Variants in TBKBP1 observed in about 807,000 individuals in gnomAD.
TBKBP1 encodes TBK1 binding protein 1, also known as TANK-binding kinase 1-binding protein 1.
Under a neutral mutation model 69.9 loss-of-function variants are expected in TBKBP1, and 47 were observed. The ratio of observed to expected loss-of-function variants is 0.67; its 90% CI spans 0.53 to 0.86. TBKBP1 has a LOEUF of 0.86. TBKBP1 is among the 40% of genes least tolerant of loss of function. TBKBP1 has a pLI of 0.00. For synonymous variants in TBKBP1, 418 were observed against 390.3 expected, an observed-to-expected ratio of 1.07 and a Z score of -0.84; for missense variants, 831 against 858.6, an observed-to-expected ratio of 0.97 and a Z score of 0.40.
chr17:47,701,808 T>C (rs2031517394), intron 7 of TBKBP1, among the ~76,000 whole-genome samples: 1 of 152,212 alleles, frequency 6.6e-6, no homozygotes, highest in African/African-American at 2.4e-5. Context: ...CCCTTCCCTC[T>C]CTCTCTCAAG....
In TBKBP1 at chr17:47,708,855, G is replaced by T; in HGVS notation, c.1122G>T (p.Val374=). Residue 374 remains valine (V), a synonymous_variant, in exon 9 of 10, where the codon GTG becomes GTT. Coordinates refer to ENST00000578982, the MANE Select transcript of TBKBP1 (RefSeq NM_001394755.1). The surrounding 1 kb of genome is among the most constrained non-coding windows in gnomAD (Gnocchi z 4.4). The part of the protein sequence containing the change: ...QSPVPQRRSP[V]PPCPSPQQRR... ...CCGTCCCCCAGCGCCGCTCTCCCGTGCCCCCGTGCCCCTCGCCGCAGCAGC... is the reference window on the plus strand; with the variant it reads ...CCGTCCCCCAGCGCCGCTCTCCCGTTCCCCCGTGCCCCTCGCCGCAGCAGC... 1 of 1,414,388 alleles carries T rather than the reference G, an allele frequency of 7.1e-7. No homozygotes were observed. The highest frequency in any genetic ancestry group is 3.0e-5 in the East Asian group (1 of 32,834). The allele number at this position is 1,414,388 out of a possible 1,614,324, so 87.6% of individuals were successfully genotyped here.
At chr17:47,697,463 G>A (rs2031296738) in intron 4 of TBKBP1, among the ~76,000 whole-genome samples, 1 of 152,210 alleles carries the variant, frequency 6.6e-6, no homozygotes, top group South Asian at 2.1e-4. Flanking sequence ...CTGTCTCTGT[G>A]TGTATGCCTG....
intron 7 of TBKBP1, among the ~76,000 whole-genome samples, chr17:47,707,745 G>C (rs1323727708): frequency 2.0e-5 from 3 of 152,168 alleles, no homozygotes; most frequent in African/African-American, 7.2e-5. Flanking sequence ...CTTTGAGGTC[G>C]AGCCAGGTGC....
At chr17:47,696,429 G>T in intron 2 of TBKBP1, 92 bp downstream of exon 2, 1 of 1,428,292 alleles carries the variant, frequency 7.0e-7, no homozygotes, top group African/African-American at 1.4e-5. Context: ...CAAAAGAGGG[G>T]TCACTGTGCA....
At chr17:47,700,425 C>G (rs963208468) in intron 7 of TBKBP1, among the ~76,000 whole-genome samples, 2 of 150,160 alleles carry the variant, frequency 1.3e-5, no homozygotes, top group Non-Finnish European at 2.9e-5. Context: ...TTGCTTTCCT[C>G]TGGGGCCCAA....
intron 1 of TBKBP1, among the ~76,000 whole-genome samples, chr17:47,694,888 A>G (rs1414978605): frequency 2.1e-4 from 27 of 127,760 alleles, no homozygotes; most frequent in South Asian, 5.3e-4. Context: ...TGGGTGGCGG[A>G]GGGGGGGGGG....
chr17:47,708,960 C>T lies in TBKBP1; in HGVS notation c.1227C>T (p.Pro409=). Residue 409 remains proline (P), a synonymous_variant, in exon 9 of 10, where the codon CCC becomes CCT. Coordinates refer to ENST00000578982, the MANE Select transcript of TBKBP1 (RefSeq NM_001394755.1). The surrounding 1 kb of genome is among the most constrained non-coding windows in gnomAD (Gnocchi z 4.4). The part of the protein sequence containing the change: ...RSPVPPSCQS[P]SPQRRSPVPP... ...CGGTGCCGCCGTCGTGCCAGTCCCC[C>T]AGCCCGCAGCGCCGTTCCCCGGTGC... The T allele has an allele frequency of 8.4e-7, 1 of 1,193,524 alleles. No homozygotes were observed. Among genetic ancestry groups the T allele is most frequent in the South Asian group, 2.1e-5 (1 of 46,666 alleles). 73.9% of individuals were successfully genotyped at this position (1,193,524 alleles called of 1,614,324 possible).
chr17:47,699,503 C>A lies in TBKBP1; in HGVS notation c.810+8C>A. ...CAGGAGACCCGGGCCCAGGTAAATG[C>A]AGGGGCCTGGAACAGCTTCTGGAGG... On this transcript the variant is annotated splice_region_variant and intron_variant, in intron 6 of 9. Coordinates refer to ENST00000578982, the MANE Select transcript of TBKBP1 (RefSeq NM_001394755.1). The A allele has an allele frequency of 6.3e-7, 1 of 1,590,426 alleles. No individual in the cohort carries two copies. The highest frequency in any genetic ancestry group is 1.1e-5 in the South Asian group (1 of 88,976).
chr17:47,703,057 G>A (rs1206147592), intron 7 of TBKBP1, among the ~76,000 whole-genome samples: 2 of 152,064 alleles, frequency 1.3e-5, no homozygotes, highest in Non-Finnish European at 2.9e-5. Context: ...ATAAGGGCCC[G>A]GTAAGGGAGG....
intron 7 of TBKBP1, 127 bp downstream of exon 7, chr17:47,699,824 CTTTT>C (rs373996808): frequency 2.4e-4 from 186 of 776,558 alleles, no homozygotes; most frequent in Middle Eastern, 4.0e-4. Context: ...AGGTGGGGTT[CTTTT>C]TTTTTTTTTT....
chr17:47,695,607 G>C (rs1232958789), intron 1 of TBKBP1: 1 of 153,354 alleles, frequency 6.5e-6, no homozygotes, highest in African/African-American at 2.4e-5. Flanking sequence ...CGTGCCGACT[G>C]TGGAGGGGCC....
At chr17:47,709,623 G>T (rs1736119929) in intron 9 of TBKBP1, among the ~76,000 whole-genome samples, 171 bp downstream of exon 9, 1 of 152,256 alleles carries the variant, frequency 6.6e-6, no homozygotes, top group South Asian at 2.1e-4. Context: ...CTTTCCCGTG[G>T]TCTTCTGTCA....
chr17:47,696,474 C>A, intron 2 of TBKBP1, 137 bp downstream of exon 2: 1 of 1,165,774 alleles, frequency 8.6e-7, no homozygotes, highest in Non-Finnish European at 1.2e-6. Flanking sequence ...CCATGAGAGA[C>A]GTGGCTGTTC....
rs1019120508 is a variant in TBKBP1, at chr17:47,708,333, C to T, written c.873-61C>T. ...TGCTGGGGTAGAGCCAGTTCTTCCT[C>T]CACAGCTGGGACGGTAGACCCACTG... On this transcript the variant is annotated intron_variant, in intron 7 of 9. Transcript: ENST00000578982. The surrounding 1 kb of genome is among the most constrained non-coding windows in gnomAD (Gnocchi z 4.4). The T allele has an allele frequency of 6.4e-7, 1 of 1,573,352 alleles. No individual in the cohort carries two copies. The highest frequency in any genetic ancestry group is 8.7e-7 in the Non-Finnish European group (1 of 1,147,190).
Position 47,697,118 on chromosome 17 carries a change from G to T in TBKBP1, c.378G>T (p.Gln126His). 6.2e-7 allele frequency: 1 copy of T among 1,612,680 alleles called. No individual in the cohort carries two copies. Among genetic ancestry groups the T allele is most frequent in the Admixed American group, 1.7e-5 (1 of 59,844 alleles). The change falls in exon 4 of 10, where the codon CAG becomes CAT. Residue 126 changes from glutamine to histidine, a missense_variant. By Grantham distance (24) the Gln-to-His change is conservative (BLOSUM62 0). Transcript: ENST00000578982. ...ELQKNKEQEE[Q>H]LGEMIQAYEK... ...AGAAGAACAAGGAGCAGGAAGAACAGCTTGGAGAGATGATCCAGGCCTACG... is the reference window on the plus strand; with the variant it reads ...AGAAGAACAAGGAGCAGGAAGAACATCTTGGAGAGATGATCCAGGCCTACG...
chr17:47,709,608 C>T (rs1350147074), intron 9 of TBKBP1, among the ~76,000 whole-genome samples, 156 bp downstream of exon 9: 2 of 152,288 alleles, frequency 1.3e-5, no homozygotes, highest in African/African-American at 4.8e-5. Context: ...GGTCCTTTCA[C>T]CTCCCTTTCC....
chr17:47,696,047 G>T, intron 1 of TBKBP1, 32 bp from the exon 2 acceptor site: 1 of 1,292,142 alleles, frequency 7.7e-7, no homozygotes, highest in Non-Finnish European at 1.1e-6. Flanking sequence ...CTAGACAGAC[G>T]GCCCTGTCCA....
Position 47,710,761 on chromosome 17 carries a change from A to G in TBKBP1, c.*135A>G. Reference sequence around the variant, plus strand: ...AGATACCTCCACTTGCTACCGAGTCAACGTGTGTGCCATCTTCCCTGGTCC... The same window carrying G: ...AGATACCTCCACTTGCTACCGAGTCGACGTGTGTGCCATCTTCCCTGGTCC... On this transcript the variant is annotated 3_prime_UTR_variant, in exon 10 of 10. Coordinates refer to ENST00000578982, the MANE Select transcript of TBKBP1 (RefSeq NM_001394755.1). 1 of 1,295,800 alleles carries G rather than the reference A, an allele frequency of 7.7e-7. No homozygotes were observed. The highest frequency in any genetic ancestry group is 1.1e-6 in the Non-Finnish European group (1 of 941,510). 80.3% of individuals were successfully genotyped at this position (1,295,800 alleles called of 1,614,324 possible). A position where few individuals can be genotyped will look rare whatever the true frequency, so the allele number is the denominator to read the frequency against.
chr17:47,710,356 G>A, intron 9 of TBKBP1, 142 bp from the exon 10 acceptor site: 1 of 1,108,150 alleles, frequency 9.0e-7, no homozygotes, highest in African/African-American at 1.6e-5. Context: ...TGTGGGGGAG[G>A]ACGGTGCTGA....
Sources: allele counts gnomAD v4.1 joint callset (sites outside exome capture counted in the v4.1 genomes callset), GRCh38; gene constraint gnomAD v4.1.1; non-coding constraint Gnocchi (gnomAD v3.1); transcripts MANE v1.5; gene names NCBI Gene and HGNC (gene_info 2026-07-23, HGNC 2026-07-21).